Variants in APOB observed in about 807,000 individuals in gnomAD.
APOB encodes apolipoprotein B-100.
In APOB, 153 loss-of-function variants were observed where a neutral mutation model predicts 314.1. The ratio of observed to expected loss-of-function variants is 0.49; its 90% CI spans 0.43 to 0.56. The LOEUF is 0.56. APOB is among the 20% of genes least tolerant of loss of function. The probability of loss-of-function intolerance (pLI) is 0.00; values close to 1 mark genes in which losing one functional copy is unlikely to be tolerated. For synonymous variants in APOB, 2,087 were observed against 2,036.4 expected (o/e 1.02, Z -0.67); for missense variants, 5,430 against 5,350.7 (o/e 1.01, Z -0.46).
Position 21,032,448 on chromosome 2 carries a change from C to A in APOB, c.1258G>T (p.Glu420Ter), listed in dbSNP as rs192004342. 1.2e-6 allele frequency: 2 copies of A among 1,614,100 alleles called. No individual in the cohort carries two copies. Among genetic ancestry groups the A allele is most frequent in the Non-Finnish European group, 1.7e-6 (2 of 1,180,034 alleles). The change falls in exon 10 of 29, where the codon GAG becomes TAG. Residue 420 changes from glutamate to a stop codon, truncating the protein, a stop_gained. Coordinates refer to ENST00000233242, the MANE Select transcript of APOB (RefSeq NM_000384.3). LOFTEE classifies it high-confidence loss of function. ...VVTYLVALIP[E>*]PSAQQLREIF... ...TCTCGCAGCTGCTGTGCTGAGGGCTCGGGGATCAGGGCCACCAGGTAGGTG... is the reference window on the plus strand; with the variant it reads ...TCTCGCAGCTGCTGTGCTGAGGGCTAGGGGATCAGGGCCACCAGGTAGGTG...
At chr2:21,017,815 G>A (rs1663515431) in intron 20 of APOB, among the ~76,000 whole-genome samples, 1 of 152,044 alleles carries the variant, frequency 6.6e-6, no homozygotes, top group Admixed American at 6.5e-5. Context: ...TTTCCCCAGC[G>A]TGCCCTGCTC....
At chr2:21,015,712 A>C (rs1663448106) in intron 21 of APOB, among the ~76,000 whole-genome samples, 167 bp from the exon 22 acceptor site, 1 of 152,162 alleles carries the variant, frequency 6.6e-6, no homozygotes, top group Admixed American at 6.5e-5. Context: ...ATTCAGCACA[A>C]ATTAAGGACT....
rs746014242 is a variant in APOB at position 21,008,940 on chromosome 2, G to C, written c.7928C>G (p.Ser2643Cys). 6.2e-7 allele frequency: 1 copy of C among 1,614,036 alleles called. No homozygotes were observed. The highest frequency in any genetic ancestry group is 8.5e-7 in the Non-Finnish European group (1 of 1,179,942). The change falls in exon 26 of 29, where the codon TCC (serine) becomes TGC (cysteine). Residue 2643 changes from serine to cysteine, a missense_variant. Physicochemically the swap from Ser to Cys is moderately radical, Grantham distance 112. Transcript: ENST00000233242. ...GGTAAATTCTGGTGTGGAAAACCTGGATGGGATTTTTATATTTTTTAAGTC... is the reference window on the plus strand; with the variant it reads ...GGTAAATTCTGGTGTGGAAAACCTGCATGGGATTTTTATATTTTTTAAGTC... ...FKDLKNIKIP[S>C]RFSTPEFTIL...
intron 25 of APOB, 91 bp from the exon 26 acceptor site, chr2:21,012,742 A>G: frequency 1.4e-6 from 2 of 1,428,964 alleles, no homozygotes; most frequent in African/African-American, 1.4e-5. Context: ...ATAAAGCCCC[A>G]TTTTTCTGGG....
chr2:21,010,896 T>G lies in APOB; in HGVS notation c.5972A>C (p.Glu1991Ala). The G allele has an allele frequency of 6.2e-7, 1 of 1,614,138 alleles. No individual in the cohort carries two copies. The highest frequency in any genetic ancestry group is 8.5e-7 in the Non-Finnish European group (1 of 1,180,006). Residue 1991 changes from glutamate to alanine, a missense_variant, in exon 26 of 29, where the codon GAA (glutamate) becomes GCA (alanine). Physicochemically the swap from Glu to Ala is moderately radical, Grantham distance 107. Coordinates refer to ENST00000233242, the MANE Select transcript of APOB (RefSeq NM_000384.3). ...WKLKTQFNNN[E>A]YSQDLDAYNT... is the part of the protein sequence containing the mutation. ...GTAAGCATCCAAGTCCTGGCTGTAT[T>G]CATTGTTGTTAAATTGGGTCTTGAG... is the stretch of plus-strand genomic sequence containing the variant.
chr2:21,028,271 T>C (rs1435088528), intron 13 of APOB, 56 bp downstream of exon 13: 2 of 1,473,348 alleles, frequency 1.4e-6, no homozygotes, highest in East Asian at 2.3e-5. Flanking sequence ...AAACCTAGGG[T>C]TGGAATTCCA....
Position 21,009,023 on chromosome 2 carries a change from A to T in APOB, c.7845T>A (p.Pro2615=). ...AATCTGTTAGGGGGACTATAAAATC[A>T]GGTGTCTGGAAGGTAGCTTTCTGAA... ...QALQKATFQT[P]DFIVPLTDLR... Residue 2615 remains proline, a synonymous_variant, in exon 26 of 29, where the codon CCT becomes CCA. Coordinates refer to ENST00000233242, the MANE Select transcript of APOB (RefSeq NM_000384.3). 1 of 1,614,126 alleles carries T rather than the reference A, an allele frequency of 6.2e-7. No individual in the cohort carries two copies. The highest frequency in any genetic ancestry group is 8.5e-7 in the Non-Finnish European group (1 of 1,179,954).
rs145655926 is a variant in APOB at position 21,005,299 on chromosome 2, C to T, written c.11569G>A (p.Val3857Met). The T allele has an allele frequency of 6.4e-5, 103 of 1,614,024 alleles. No homozygotes were observed. The highest frequency in any genetic ancestry group is 3.5e-4 in the Admixed American group (21 of 60,008). Residue 3857 changes from valine to methionine, a missense_variant, in exon 26 of 29, where the codon GTG becomes ATG. Coordinates refer to ENST00000233242, the MANE Select transcript of APOB (RefSeq NM_000384.3). Reference protein sequence around the residue: ...IADFELPTIIVPEQTIEIPSI... With the variant: ...IADFELPTIIMPEQTIEIPSI... ...GGAATCTCAATGGTCTGCTCAGGCA[C>T]GATGATGGTGGGCAACTCAAAGTCT...
Position 21,016,559 on chromosome 2 carries a change from A to T in APOB, c.3212T>A (p.Val1071Asp), listed in dbSNP as rs1663469114. ...AACTCTGAGGATTGTTCCGAGGTCAACATCAAAATCCGGAATTTGGACTTC... is the reference window on the plus strand; with the variant it reads ...AACTCTGAGGATTGTTCCGAGGTCATCATCAAAATCCGGAATTTGGACTTC... ...SSEVQIPDFDVDLGTILRVND... is the reference protein window; with the variant it reads ...SSEVQIPDFDDDLGTILRVND... Residue 1071 changes from valine (V) to aspartate (D), a missense_variant, in exon 21 of 29, where the codon GTT becomes GAT. Val to Asp is a radical substitution (Grantham distance 152). Coordinates refer to ENST00000233242, the MANE Select transcript of APOB (RefSeq NM_000384.3). 2 of 1,609,264 alleles carry T rather than the reference A, an allele frequency of 1.2e-6. No individual in the cohort carries two copies. The highest frequency in any genetic ancestry group is 1.7e-5 in the Admixed American group (1 of 60,024).
intron 24 of APOB, among the ~76,000 whole-genome samples, chr2:21,014,192 G>T (rs995836598): frequency 3.9e-5 from 6 of 152,158 alleles, no homozygotes; most frequent in Admixed American, 2.6e-4. Context: ...GCTTATAACA[G>T]GTTGTACTGA....
Position 21,013,545 on chromosome 2 carries a change from A to C in APOB, c.3843-12T>G. 6.2e-7 allele frequency: 1 copy of C among 1,613,976 alleles called. No homozygotes were observed. Among genetic ancestry groups the C allele is most frequent in the Non-Finnish European group, 8.5e-7 (1 of 1,180,030 alleles). ...TGACCCGGCCATCGCTGAAATGAAC[A>C]ACAAAGATAACATCCCCACAGTCAG... is the stretch of plus-strand genomic sequence containing the variant. On this transcript the variant is annotated splice_polypyrimidine_tract_variant and intron_variant, in intron 24 of 28. Coordinates refer to ENST00000233242, the MANE Select transcript of APOB (RefSeq NM_000384.3).
chr2:21,013,151 A>G lies in APOB; in HGVS notation c.4216+9T>C. 6.2e-7 allele frequency: 1 copy of G among 1,613,392 alleles called. No individual in the cohort carries two copies. Among genetic ancestry groups the G allele is most frequent in the South Asian group, 1.1e-5 (1 of 91,030 alleles). ...AGCCCGGTGCACCCTTTACCTGAGC[A>G]TAGCTCACCTTGCACATTGTAGGAA... is the stretch of plus-strand genomic sequence containing the variant. On this transcript the variant is annotated intron_variant, in intron 25 of 28. Transcript: ENST00000233242.
Position 21,033,383 on chromosome 2 carries a change from A to G in APOB, c.1040T>C (p.Leu347Pro), listed in dbSNP as rs747298204. ...CAGCTCAGTAACCAGCTTATTGAAGAGATTAGCTCTCTGGATATTTTGCTC... is the reference window on the plus strand; with the variant it reads ...CAGCTCAGTAACCAGCTTATTGAAGGGATTAGCTCTCTGGATATTTTGCTC... Reference protein sequence around the residue: ...ISEQNIQRANLFNKLVTELRG... With the variant: ...ISEQNIQRANPFNKLVTELRG... The change falls in exon 9 of 29, where the codon CTC becomes CCC. Residue 347 changes from leucine (L) to proline (P), a missense_variant. By Grantham distance (98) the Leu-to-Pro change is moderately conservative. Around this residue, in one of 3 missense-constraint regions of APOB, gnomAD observed 2,085 missense variants for 2,079.7 expected, o/e 1.00. Transcript: ENST00000233242. The G allele has an allele frequency of 3.7e-6, 6 of 1,613,994 alleles. No homozygotes were observed. In the African/African-American group the frequency reaches 5.3e-5, roughly 14 times the overall value.
chr2:21,038,204 T>C, intron 4 of APOB, 93 bp from the exon 5 acceptor site: 7 of 1,346,082 alleles, frequency 5.2e-6, no homozygotes, highest in Non-Finnish European at 7.4e-6. Context: ...TTTTCTCATA[T>C]TTTTTTAACC....
intron 19 of APOB, 136 bp from the exon 20 acceptor site, chr2:21,019,249 G>A: frequency 2.5e-6 from 3 of 1,201,608 alleles, no homozygotes; most frequent in Non-Finnish European, 3.6e-6. Context: ...CCTTAACTAA[G>A]ATGATCTTTT....
intron 18 of APOB, among the ~76,000 whole-genome samples, chr2:21,022,408 G>T (rs1663633016): frequency 6.6e-6 from 1 of 152,198 alleles, no homozygotes; most frequent in South Asian, 2.1e-4. Flanking sequence ...GGAGTTTCAT[G>T]CTTTACCTAC....
In APOB at chr2:21,027,996, G is replaced by C. The variant is rs756605601; in HGVS notation, c.1899C>G (p.Phe633Leu). Reference sequence around the variant, plus strand: ...ATTTGTAGAGTTGATAGTTCCGAGAGAATTTTCTGAAGTCCATGACAGTTG... The same window carrying C: ...ATTTGTAGAGTTGATAGTTCCGAGACAATTTTCTGAAGTCCATGACAGTTG... ...QLPTVMDFRK[F>L]SRNYQLYKSV... The change falls in exon 14 of 29, where the codon TTC (phenylalanine) becomes TTG (leucine). Residue 633 changes from phenylalanine to leucine, a missense_variant. Phe to Leu is a conservative substitution (Grantham distance 22). Around this residue, in one of 3 missense-constraint regions of APOB, gnomAD observed 2,085 missense variants for 2,079.7 expected, o/e 1.00. Coordinates refer to ENST00000233242, the MANE Select transcript of APOB (RefSeq NM_000384.3). 6.2e-7 allele frequency: 1 copy of C among 1,614,174 alleles called. No homozygotes were observed. Among genetic ancestry groups the C allele is most frequent in the Non-Finnish European group, 8.5e-7 (1 of 1,179,988 alleles).
intron 5 of APOB, 105 bp from the exon 6 acceptor site, chr2:21,037,360 T>A: frequency 8.1e-7 from 1 of 1,236,976 alleles, no homozygotes; most frequent in Non-Finnish European, 1.2e-6. Flanking sequence ...AGAAGGAATC[T>A]AGCTTTGGGA....
chr2:21,035,767 A>G (rs1304062835), intron 6 of APOB, 59 bp from the exon 7 acceptor site: 2 of 1,579,180 alleles, frequency 1.3e-6, no homozygotes, highest in Admixed American at 1.7e-5. Flanking sequence ...TGTTAAAAGC[A>G]TTTACCTTCA....
Sources: allele counts gnomAD v4.1 joint callset (sites outside exome capture counted in the v4.1 genomes callset), GRCh38; gene constraint gnomAD v4.1.1; regional missense constraint gnomAD v4.1.1; transcripts MANE v1.5; gene names NCBI Gene and HGNC (gene_info 2026-07-23, HGNC 2026-07-21).